The following DGKI variants were observed in gnomAD, a reference collection of about 807,000 sequenced individuals.
The protein encoded by DGKI is diacylglycerol kinase iota.
A neutral mutation model predicts 147.5 loss-of-function variants in DGKI; 55 were observed. The observed-to-expected ratio is 0.37, with a 90% CI of 0.30 to 0.47. DGKI has a LOEUF of 0.47. Ranked by LOEUF, DGKI falls within the 20% of genes least tolerant of loss-of-function variation. The pLI is 1.00. For missense variants in DGKI, 1,007 were observed against 1,323.8 expected, an observed-to-expected ratio of 0.76 and a Z score of 3.71; for synonymous variants, 469 against 477.1, an observed-to-expected ratio of 0.98 and a Z score of 0.22.
chr7:137,828,512 T>C (rs569663492), intron 1 of DGKI, among the ~76,000 whole-genome samples: 5 of 152,320 alleles, frequency 3.3e-5, no homozygotes, highest in African/African-American at 7.2e-5. Context: ...TCAGAGACCA[T>C]TGAGATGCAT....
At chr7:137,513,754 C>T in intron 21 of DGKI, 1 of 498,438 alleles carries the variant, frequency 2.0e-6, no homozygotes, top group Non-Finnish European at 3.8e-6. Context: ...AACACAATGG[C>T]ATTTGGGTAT....
intron 20 of DGKI, among the ~76,000 whole-genome samples, chr7:137,526,809 T>C (rs1817162443): frequency 6.6e-6 from 1 of 152,166 alleles, no homozygotes. Context: ...CCTAGTGCCC[T>C]CAAACGTCTT....
chr7:137,546,259 T>G (rs1585217780), intron 20 of DGKI, among the ~76,000 whole-genome samples: 1 of 151,766 alleles, frequency 6.6e-6, no homozygotes, highest in Non-Finnish European at 1.5e-5. Flanking sequence ...TCGGGGGGTG[T>G]AGGGGGATGA....
chr7:137,584,675 T>A (rs115629450), intron 14 of DGKI, among the ~76,000 whole-genome samples: 1 of 152,322 alleles, frequency 6.6e-6, no homozygotes, highest in Non-Finnish European at 1.5e-5. Context: ...AACTTGCACA[T>A]ATGCAGTTTG....
At chr7:137,699,667 A>G (rs1823910254) in intron 1 of DGKI, among the ~76,000 whole-genome samples, 1 of 152,216 alleles carries the variant, frequency 6.6e-6, no homozygotes, top group South Asian at 2.1e-4. Flanking sequence ...GACTTCAAAG[A>G]AATTTTAGGG....
intron 1 of DGKI, among the ~76,000 whole-genome samples, chr7:137,746,424 A>G (rs1795333774): frequency 6.6e-6 from 1 of 152,240 alleles, no homozygotes; most frequent in African/African-American, 2.4e-5. Flanking sequence ...ATCTAGATTT[A>G]GAGTAAAGTG....
At chr7:137,596,067 A>G (rs936434751) in intron 12 of DGKI, among the ~76,000 whole-genome samples, 32 of 144,696 alleles carry the variant, frequency 2.2e-4, no homozygotes, top group Non-Finnish European at 1.1e-4. Flanking sequence ...AAGAAAGGAG[A>G]GAGAATGAGG....
intron 19 of DGKI, among the ~76,000 whole-genome samples, chr7:137,568,121 C>T (rs1627366): frequency 0.021 from 3,173 of 152,224 alleles, 108 homozygotes; most frequent in African/African-American, 0.072. Context: ...AAAGTAAATG[C>T]TCCTAGATCA....
chr7:137,802,255 G>A (rs1458581329), intron 1 of DGKI, among the ~76,000 whole-genome samples: 2 of 152,168 alleles, frequency 1.3e-5, no homozygotes, highest in Admixed American at 1.3e-4. Flanking sequence ...GGAGGTGGAT[G>A]AGGGATAAAA....
At chr7:137,487,872 T>C (rs1815623923) in intron 21 of DGKI, among the ~76,000 whole-genome samples, 183 bp from the exon 22 acceptor site, 1 of 152,174 alleles carries the variant, frequency 6.6e-6, no homozygotes, top group African/African-American at 2.4e-5. Context: ...TCTTCTTGTT[T>C]GCAGTTGTCA....
At chr7:137,569,310 C>T (rs117238291) in intron 19 of DGKI, among the ~76,000 whole-genome samples, 1,597 of 152,242 alleles carry the variant, frequency 0.01, 19 homozygotes, top group Non-Finnish European at 0.018. Context: ...AACTAGGAGG[C>T]TCTAGCACAT....
chr7:137,475,147 A>C (rs1012682924), intron 23 of DGKI, among the ~76,000 whole-genome samples: 1 of 152,200 alleles, frequency 6.6e-6, no homozygotes, highest in African/African-American at 2.4e-5. Flanking sequence ...GATCATTTAG[A>C]TGGTGCTACC....
At chr7:137,597,744 T>C (rs1264942042) in intron 12 of DGKI, 103 bp downstream of exon 12, 3 of 1,042,898 alleles carry the variant, frequency 2.9e-6, no homozygotes, top group Admixed American at 2.0e-5. Context: ...ATACATGTGT[T>C]AGGGGATTAG....
chr7:137,700,328 G>A (rs1170632181), intron 1 of DGKI, among the ~76,000 whole-genome samples: 1 of 152,148 alleles, frequency 6.6e-6, no homozygotes, highest in Admixed American at 6.5e-5. Flanking sequence ...AAGAAACCAA[G>A]GGCGTGTGGT....
intron 6 of DGKI, among the ~76,000 whole-genome samples, chr7:137,641,212 T>C (rs1821612679): frequency 6.6e-6 from 1 of 152,184 alleles, no homozygotes; most frequent in Non-Finnish European, 1.5e-5. Context: ...ACCATGATTG[T>C]GAAGCCTCCC....
intron 2 of DGKI, among the ~76,000 whole-genome samples, chr7:137,688,867 T>A (rs1051330186): frequency 6.6e-6 from 1 of 152,134 alleles, no homozygotes; most frequent in Non-Finnish European, 1.5e-5. Context: ...ATCTGAACAC[T>A]CTCAGGGTAA....
intron 21 of DGKI, among the ~76,000 whole-genome samples, chr7:137,497,959 T>G (rs966757618): frequency 1.3e-5 from 2 of 152,044 alleles, no homozygotes; most frequent in Non-Finnish European, 2.9e-5. Context: ...AATCTAAAAG[T>G]TTTTTTAAAA....
intron 21 of DGKI, among the ~76,000 whole-genome samples, chr7:137,496,601 G>GAC (rs57525584): frequency 0.24 from 36,726 of 151,782 alleles, 7,751 homozygotes; most frequent in African/African-American, 0.58. Flanking sequence ...TACAAAAACA[G>GAC]ACACAGACAA....
chr7:137,594,717 C>A (rs1460026228), intron 12 of DGKI, among the ~76,000 whole-genome samples: 1 of 152,194 alleles, frequency 6.6e-6, no homozygotes, highest in East Asian at 1.9e-4. Context: ...GCTGTTTCCT[C>A]TATATAAACT....
Sources: allele counts gnomAD v4.1 joint callset (sites outside exome capture counted in the v4.1 genomes callset), GRCh38; gene constraint gnomAD v4.1.1; transcripts MANE v1.5; gene names NCBI Gene and HGNC (gene_info 2026-07-23, HGNC 2026-07-21).